The following IMMP2L variants were observed in gnomAD, a reference collection of about 807,000 sequenced individuals.
IMMP2L encodes mitochondrial inner membrane protease subunit 2.
In IMMP2L, 18 loss-of-function variants were observed where a neutral mutation model predicts 19.3. That is an observed-to-expected ratio of 0.93 (90% CI 0.64 to 1.38). The LOEUF (loss-of-function observed/expected upper bound fraction) is 1.38, where lower values mean the gene tolerates loss of function less well. Among genes scored for constraint, IMMP2L ranks in the 40% most tolerant of loss-of-function variants. IMMP2L has a pLI of 0.00. For missense variants in IMMP2L, 233 were observed against 218.2 expected (o/e 1.07, Z -0.43); for synonymous variants, 76 against 73.0 (o/e 1.04, Z -0.21).
At chr7:111,440,292 C>T (rs562825251) in intron 3 of IMMP2L, among the ~76,000 whole-genome samples, 2 of 151,754 alleles carry the variant, frequency 1.3e-5, no homozygotes, top group Non-Finnish European at 2.9e-5. Flanking sequence ...TCAGAGGAAT[C>T]GTTATCTATG....
At chr7:110,895,262 A>G (rs887229420) in intron 4 of IMMP2L, among the ~76,000 whole-genome samples, 1 of 152,128 alleles carries the variant, frequency 6.6e-6, no homozygotes, top group Admixed American at 6.5e-5. Flanking sequence ...ATCACTTTCC[A>G]CTGGGTTCCT....
At chr7:111,451,312 C>T (rs1450633551) in intron 3 of IMMP2L, among the ~76,000 whole-genome samples, 2 of 150,774 alleles carry the variant, frequency 1.3e-5, no homozygotes, top group African/African-American at 2.5e-5. Context: ...GGAACCAACC[C>T]AAATGTCCAA....
At chr7:111,063,742 A>G (rs1250172491) in intron 3 of IMMP2L, among the ~76,000 whole-genome samples, 1 of 152,184 alleles carries the variant, frequency 6.6e-6, no homozygotes, top group African/African-American at 2.4e-5. Flanking sequence ...GCAAAATGCC[A>G]CCAGTCTCTT....
At chr7:111,411,325 T>C (rs565694183) in intron 3 of IMMP2L, 14 of 242,762 alleles carry the variant, frequency 5.8e-5, no homozygotes, top group Admixed American at 8.9e-5. Context: ...TCATTACCGA[T>C]ATACCCAGGA....
At chr7:111,343,888 T>C (rs568037802) in intron 3 of IMMP2L, among the ~76,000 whole-genome samples, 124 of 152,224 alleles carry the variant, frequency 8.1e-4, no homozygotes, top group Admixed American at 3.2e-3. Flanking sequence ...GGTACAACCA[T>C]CATTTACTGA....
At chr7:111,320,515 T>C (rs1347294560) in intron 3 of IMMP2L, among the ~76,000 whole-genome samples, 1 of 152,070 alleles carries the variant, frequency 6.6e-6, no homozygotes, top group Admixed American at 6.6e-5. Context: ...TAAAACATTT[T>C]AGGAACAACC....
chr7:111,318,540 T>C lies in IMMP2L; in HGVS notation c.239+168698A>G, dbSNP rs374658529. Among the ~76,000 whole-genome samples the C allele has an allele frequency of 5.6e-4, 86 of 152,244 alleles. 2 individuals are homozygous for C. The highest frequency in any genetic ancestry group is 1.9e-3 in the African/African-American group (81 of 41,554). On this transcript the variant is annotated intron_variant, in intron 3 of 5. Transcript: ENST00000405709. ...ATGTAACCTATAGCAGATCTGAACA[T>C]GACTAAACCCTAGACAAAAGTAATT...
At chr7:111,270,112 T>A (rs1453520553) in intron 3 of IMMP2L, among the ~76,000 whole-genome samples, 1 of 151,240 alleles carries the variant, frequency 6.6e-6, no homozygotes, top group East Asian at 1.9e-4. Flanking sequence ...CCCCACTGAT[T>A]TGAAAATCAC....
At position 110,789,587 on chromosome 7, in the gene IMMP2L, T is replaced by C. The variant is rs182209181; in HGVS notation, c.408+97006A>G. On this transcript the variant is annotated intron_variant, in intron 5 of 5. Transcript: ENST00000405709. ...AATAGAAAGAGTACTTCTCTAAAAG[T>C]ATAAATCAGTTATGTCACTTCAATG... 5.3e-5 allele frequency among the ~76,000 whole-genome samples: 8 copies of C among 151,844 alleles called. No homozygotes were observed. In the East Asian group the frequency reaches 1.6e-3, roughly 30 times the overall value.
At chr7:111,270,857 T>C (rs1230719648) in intron 3 of IMMP2L, among the ~76,000 whole-genome samples, 1 of 152,210 alleles carries the variant, frequency 6.6e-6, no homozygotes, top group Non-Finnish European at 1.5e-5. Flanking sequence ...CCAACTAACA[T>C]GGCATCTCTA....
chr7:111,050,156 C>T (rs747120709), intron 3 of IMMP2L, among the ~76,000 whole-genome samples: 1 of 152,234 alleles, frequency 6.6e-6, no homozygotes, highest in Non-Finnish European at 1.5e-5. Flanking sequence ...TAAGCACTCA[C>T]TGGATAATCC....
At chr7:110,958,259 T>C (rs955754963) in intron 4 of IMMP2L, among the ~76,000 whole-genome samples, 1 of 152,002 alleles carries the variant, frequency 6.6e-6, no homozygotes, top group African/African-American at 2.4e-5. Flanking sequence ...TTTGGCAGTA[T>C]ATATTGGAAC....
chr7:111,107,812 G>A (rs1446103787), intron 3 of IMMP2L, among the ~76,000 whole-genome samples: 2 of 151,964 alleles, frequency 1.3e-5, no homozygotes, highest in African/African-American at 2.4e-5. Flanking sequence ...CAAAGCTCTT[G>A]GTCAAGCTGT....
intron 4 of IMMP2L, among the ~76,000 whole-genome samples, chr7:110,918,453 T>TTC (rs1813871763): frequency 9.9e-6 from 1 of 101,508 alleles, no homozygotes; most frequent in Admixed American, 8.7e-5. Context: ...TCTTTTTTTC[T>TTC]TTTTTTTTTT....
intron 3 of IMMP2L, among the ~76,000 whole-genome samples, chr7:111,334,697 C>T (rs529737346): frequency 1.2e-4 from 18 of 152,186 alleles, no homozygotes; most frequent in Non-Finnish European, 2.2e-4. Context: ...CAACTTGGTC[C>T]TGGCAGTGCA....
At chr7:111,087,105 G>A (rs1163440812) in intron 3 of IMMP2L, among the ~76,000 whole-genome samples, 2 of 152,166 alleles carry the variant, frequency 1.3e-5, no homozygotes, top group African/African-American at 4.8e-5. Context: ...CATTGGGCAA[G>A]TAAGCTAGCT....
rs374486729 is a variant in IMMP2L at position 111,343,549 on chromosome 7, C to T, written c.239+143689G>A. On this transcript the variant is annotated intron_variant, in intron 3 of 5. Coordinates refer to ENST00000405709, the MANE Select transcript of IMMP2L (RefSeq NM_032549.4). The stretch of plus-strand genomic sequence containing the variant: ...ACCCAGTGCTTCACTCCTTCAGCAA[C>T]CACATAGTGTGTAATGTCCCGTCTT... Among the ~76,000 whole-genome samples, 38 of 152,206 alleles carry T rather than the reference C, an allele frequency of 2.5e-4. No homozygotes were observed. In the South Asian group the frequency reaches 7.5e-3, roughly 30 times the overall value.
At position 110,896,649 on chromosome 7, in the gene IMMP2L, TCG is replaced by T. The variant is rs1256471006; in HGVS notation, c.306-9956_306-9955del. Among the ~76,000 whole-genome samples, 6 of 27,462 alleles carry T rather than the reference TCG, an allele frequency of 2.2e-4. 1 individual carries two copies. The highest frequency in any genetic ancestry group is 1.2e-3 in the African/African-American group (2 of 1,642). 18.0% of individuals were successfully genotyped at this position (27,462 alleles called of 152,430 possible). On this transcript the variant is annotated intron_variant, in intron 4 of 5. Coordinates refer to ENST00000405709, the MANE Select transcript of IMMP2L (RefSeq NM_032549.4). ...TTAATTTCAAAATACTGAGGTATTT[TCG>T]TATGTTATTTTACATATAATTGGTA...
chr7:111,546,004 CTTT>C (rs1848899102), intron 1 of IMMP2L, among the ~76,000 whole-genome samples: 1 of 151,956 alleles, frequency 6.6e-6, no homozygotes, highest in South Asian at 2.1e-4. Flanking sequence ...CTGCATTTTC[CTTT>C]TTGATTTACT....
Sources: gnomAD v4.1 joint callset for allele counts (sites outside exome capture counted in the v4.1 genomes callset) on GRCh38, gnomAD v4.1.1 for gene constraint, MANE v1.5 for transcripts, NCBI Gene and HGNC (gene_info 2026-07-23, HGNC 2026-07-21) for gene names.